Variants in SMG5 observed in about 807,000 individuals in gnomAD.
The protein encoded by SMG5 is nonsense-mediated mRNA decay factor SMG5.
SMG5 carries 53 observed loss-of-function variants against 122.9 expected under a neutral mutation model. The observed-to-expected ratio is 0.43, with a 90% CI of 0.35 to 0.54. The LOEUF is 0.54. Ranked by LOEUF, SMG5 falls within the 20% of genes least tolerant of loss-of-function variation. The probability of loss-of-function intolerance (pLI) is 0.01; values close to 1 mark genes in which losing one functional copy is unlikely to be tolerated. For missense variants in SMG5, 1,153 were observed against 1,285.6 expected (o/e 0.90, Z 1.58); for synonymous variants, 477 against 490.2 (o/e 0.97, Z 0.35).
chr1:156,254,553 C>T (rs1661491982), intron 16 of SMG5, among the ~76,000 whole-genome samples: 1 of 152,174 alleles, frequency 6.6e-6, no homozygotes, highest in Admixed American at 6.5e-5. Flanking sequence ...AAATGATCCT[C>T]CTGCCTCAGC....
intron 4 of SMG5, among the ~76,000 whole-genome samples, chr1:156,276,127 C>CTTTTT (rs144991356): frequency 7.8e-6 from 1 of 128,740 alleles, no homozygotes; most frequent in Non-Finnish European, 1.7e-5. Context: ...AGAGGTTTGG[C>CTTTTT]TTTTTTTTTT....
rs1662114056 is a variant in SMG5 at position 156,266,014 on chromosome 1, G to A, written c.1622C>T (p.Pro541Leu). ...GGGAGCCTCTGATCTGCCCCGAGGG[G>A]GCTCCAGGGTTGGTGACCGTGTCCC... ...EEGTRSPTLE[P>L]PRGRSEAPDS... The change falls in exon 12 of 22, where the codon CCC becomes CTC. Residue 541 changes from proline (P) to leucine (L), a missense_variant. By Grantham distance (98) the Pro-to-Leu change is moderately conservative. Coordinates refer to ENST00000361813, the MANE Select transcript of SMG5 (RefSeq NM_015327.3). 3 of 1,614,212 alleles carry A rather than the reference G, an allele frequency of 1.9e-6. No homozygotes were observed. The highest frequency in any genetic ancestry group is 2.2e-5 in the East Asian group (1 of 44,868).
intron 12 of SMG5, among the ~76,000 whole-genome samples, chr1:156,264,676 C>T (rs1470907338): frequency 1.3e-5 from 2 of 152,124 alleles, no homozygotes; most frequent in African/African-American, 4.8e-5. Flanking sequence ...AGCTAAGTGA[C>T]AGGCTGGGAG....
At chr1:156,280,202 T>G (rs920347389) in intron 1 of SMG5, among the ~76,000 whole-genome samples, 2 of 152,112 alleles carry the variant, frequency 1.3e-5, no homozygotes, top group African/African-American at 4.8e-5. Flanking sequence ...AGGTCTCATA[T>G]CTGGAAGGGT....
chr1:156,267,080 C>T (rs2101536495), intron 10 of SMG5, among the ~76,000 whole-genome samples: 1 of 152,286 alleles, frequency 6.6e-6, no homozygotes, highest in Middle Eastern at 3.4e-3. Context: ...AGTCCTATCC[C>T]TCCTTACCTC....
intron 9 of SMG5, 31 bp downstream of exon 9, chr1:156,268,084 A>G: frequency 6.2e-7 from 1 of 1,609,638 alleles, no homozygotes; most frequent in Non-Finnish European, 8.5e-7. Context: ...GGCTCACAGG[A>G]TAGTTCAGGT....
At chr1:156,251,175 A>G in intron 20 of SMG5, 179 bp from the exon 21 acceptor site, 1 of 951,616 alleles carries the variant, frequency 1.1e-6, no homozygotes, top group Non-Finnish European at 1.6e-6. Flanking sequence ...GAGGGAAAAC[A>G]CCAAGCCTGA....
At position 156,251,604 on chromosome 1, in the gene SMG5, C is replaced by T. The variant is rs1661361253; in HGVS notation, c.2754-127G>A. The T allele has an allele frequency of 3.4e-6, 3 of 884,758 alleles. No homozygotes were observed. In the South Asian group the frequency reaches 4.1e-5, roughly 12 times the overall value. The allele number at this position is 884,758 out of a possible 1,614,324, so 54.8% of individuals were successfully genotyped here. Reference sequence around the variant, plus strand: ...GGGCTGGGGAACATGTCTCTCCCACCACAGCTCTGGAGCCATTCTTAAGTG... The same window carrying T: ...GGGCTGGGGAACATGTCTCTCCCACTACAGCTCTGGAGCCATTCTTAAGTG... On this transcript the variant is annotated intron_variant, in intron 19 of 21. Transcript: ENST00000361813.
chr1:156,260,677 T>C, intron 14 of SMG5, 51 bp from the exon 15 acceptor site: 2 of 1,433,948 alleles, frequency 1.4e-6, no homozygotes, highest in Middle Eastern at 4.0e-4. Flanking sequence ...GAACTCCCAG[T>C]CAGAGAGACA....
At chr1:156,289,078 A>G in the SMG5 span, among the ~76,000 whole-genome samples, 1 of 152,182 alleles carries the variant, frequency 6.6e-6, no homozygotes, top group African/African-American at 2.4e-5. Flanking sequence ...CTTCTTTACC[A>G]TGGACAAGTT....
chr1:156,291,337 T>C, the SMG5 span: 1 of 1,580,458 alleles, frequency 6.3e-7, no homozygotes, highest in Non-Finnish European at 8.7e-7. Context: ...GCCAATCAGC[T>C]GACGCGCTTC....
At chr1:156,285,060 C>T, upstream of SMG5, 1 of 697,912 alleles carries the variant, frequency 1.4e-6, no homozygotes, top group Non-Finnish European at 2.2e-6. Flanking sequence ...CACGTTCTCC[C>T]TAAGGCTCCA....
At chr1:156,253,547 AT>A in intron 16 of SMG5, 39 bp from the exon 17 acceptor site, 3 of 1,598,762 alleles carry the variant, frequency 1.9e-6, no homozygotes, top group African/African-American at 1.3e-5. Flanking sequence ...GTTGGGGTGT[AT>A]TTTCCCTTCT....
chr1:156,286,224 T>C (rs1360069914), upstream of SMG5: 1 of 1,606,080 alleles, frequency 6.2e-7, no homozygotes, highest in East Asian at 2.2e-5. Context: ...TTCCCCTGCC[T>C]TTTCTGACCC....
rs1224011758 is a variant in SMG5 at position 156,251,040 on chromosome 1, T to C, written c.2829-44A>G. 3.7e-6 allele frequency: 6 copies of C among 1,600,946 alleles called. No individual in the cohort carries two copies. The African/African-American group carries it at 6.7e-5, about 18-fold the overall frequency. On this transcript the variant is annotated intron_variant, in intron 20 of 21. Coordinates refer to ENST00000361813, the MANE Select transcript of SMG5 (RefSeq NM_015327.3). ...GGGGAAGATGGGCCAAGACCCAGCA[T>C]TAGCACAGCCCAAACACCAGGATCT...
rs1469169859 is a variant in SMG5 at position 156,249,735 on chromosome 1, G to A, written c.*852C>T. On this transcript the variant is annotated 3_prime_UTR_variant, in exon 22 of 22. Transcript: ENST00000361813. The stretch of plus-strand genomic sequence containing the variant: ...CCCTTAGATAGGAAGGGGGGTGGTG[G>A]CCTCAGACTGCACCCCCTTTCTTCT... 2.6e-5 allele frequency: 12 copies of A among 469,708 alleles called. No individual in the cohort carries two copies. Among genetic ancestry groups the A allele is most frequent in the Non-Finnish European group, 4.8e-5 (11 of 227,012 alleles). 29.1% of individuals were successfully genotyped at this position (469,708 alleles called of 1,614,324 possible).
intron 2 of SMG5, 21 bp downstream of exon 2, chr1:156,278,915 G>A (rs181218031): frequency 5.0e-6 from 8 of 1,588,306 alleles, no homozygotes. Flanking sequence ...AAGGATCTGT[G>A]GTTTAGAGTC....
Position 156,268,182 on chromosome 1 carries a change from A to T in SMG5, c.841T>A (p.Cys281Ser). 1 of 1,614,168 alleles carries T rather than the reference A, an allele frequency of 6.2e-7. No homozygotes were observed. Among genetic ancestry groups the T allele is most frequent in the Non-Finnish European group, 8.5e-7 (1 of 1,180,028 alleles). The change falls in exon 9 of 22, where the codon TGT (cysteine) becomes AGT (serine). Residue 281 changes from cysteine (C) to serine (S), a missense_variant and splice_region_variant. Physicochemically the swap from Cys to Ser is moderately radical, Grantham distance 112. Coordinates refer to ENST00000361813, the MANE Select transcript of SMG5 (RefSeq NM_015327.3). ...ACTAGCAACCTTTTAATGTCTTTACATCTGAAATGAGAAGAGCCCAAAGTA... is the reference window on the plus strand; with the variant it reads ...ACTAGCAACCTTTTAATGTCTTTACTTCTGAAATGAGAAGAGCCCAAAGTA... ...TRKLSPGKKR[C>S]KDIKRLLVNF...
At chr1:156,272,215 C>G in intron 7 of SMG5, 105 bp downstream of exon 7, 1 of 1,022,378 alleles carries the variant, frequency 9.8e-7, no homozygotes, top group South Asian at 1.4e-5. Context: ...TAGCATTCCC[C>G]TATCTCAGCC....
Sources: allele counts gnomAD v4.1 joint callset (sites outside exome capture counted in the v4.1 genomes callset), GRCh38; gene constraint gnomAD v4.1.1; transcripts MANE v1.5; gene names NCBI Gene and HGNC (gene_info 2026-07-23, HGNC 2026-07-21).